The following FRMD7 variants were observed in gnomAD, a reference collection of about 807,000 sequenced individuals.
FRMD7 encodes FERM domain-containing protein 7.
Under a neutral mutation model 44.1 loss-of-function variants are expected in FRMD7, and 14 were observed. The observed-to-expected ratio is 0.32, with a 90% CI of 0.21 to 0.50. The LOEUF is 0.50. FRMD7 is among the 20% of genes least tolerant of loss of function. The pLI is 0.99. For synonymous variants in FRMD7, 212 were observed against 187.4 expected (o/e 1.13, Z -1.07); for missense variants, 501 against 522.3 (o/e 0.96, Z 0.40).
At chrX:132,100,523 A>C (rs1416818110) in intron 2 of FRMD7, 89 bp downstream of exon 2, 2 of 624,232 alleles carry the variant, frequency 3.2e-6, no homozygotes, top group Non-Finnish European at 5.4e-6. Context: ...TCATTTTTCA[A>C]TCAGGGAATT....
chrX:132,111,635 A>C (rs937902528), intron 1 of FRMD7, among the ~76,000 whole-genome samples: 1 of 111,921 alleles, frequency 8.9e-6, no homozygotes, highest in Non-Finnish European at 1.9e-5. Flanking sequence ...AATTTCCATC[A>C]GTCTTTTACT....
At chrX:132,119,658 T>C (rs1928986234) in intron 1 of FRMD7, among the ~76,000 whole-genome samples, 1 of 111,265 alleles carries the variant, frequency 9.0e-6, no homozygotes, top group African/African-American at 3.3e-5. Flanking sequence ...AATTAGATGA[T>C]GTGGGGGTAA....
At chrX:132,107,825 A>G (rs944029635) in intron 1 of FRMD7, among the ~76,000 whole-genome samples, 1 of 111,873 alleles carries the variant, frequency 8.9e-6, no homozygotes, top group Non-Finnish European at 1.9e-5. Flanking sequence ...TTGATGGTCC[A>G]CTTTTGTTAC....
Position 132,080,233 on chromosome X carries a change from C to T in FRMD7, c.939G>A (p.Gly313=), listed in dbSNP as rs1307353318. 14 of 1,205,931 alleles carry T rather than the reference C, an allele frequency of 1.2e-5. No individual in the cohort carries two copies. Among genetic ancestry groups the T allele is most frequent in the Non-Finnish European group, 1.6e-5 (14 of 890,063 alleles). The change falls in exon 10 of 12, where the codon GGG becomes GGA. Residue 313 remains glycine, a synonymous_variant. Coordinates refer to ENST00000298542, the MANE Select transcript of FRMD7 (RefSeq NM_194277.3). ...GCAAGCTCTTCAGCCTCCCTTTTCT[C>T]CCATATTCCAAAAGTTGCCTTTGGG... is the stretch of plus-strand genomic sequence containing the variant. ...GRTQRQLLEY[G]RKGRLKSLPF... is the part of the protein sequence containing the mutation.
chrX:132,102,739 G>GT (rs1380973407), intron 1 of FRMD7, among the ~76,000 whole-genome samples: 16 of 109,547 alleles, frequency 1.5e-4, no homozygotes, highest in Admixed American at 6.7e-4. Flanking sequence ...ATACACTCCA[G>GT]TTTTTTTTTG....
rs1387041189 is a variant in FRMD7, at chrX:132,127,792, A to G, written c.53T>C (p.Val18Ala). 1 of 1,198,938 alleles carries G rather than the reference A, an allele frequency of 8.3e-7. No homozygotes were observed. Among genetic ancestry groups the G allele is most frequent in the African/African-American group, 1.8e-5 (1 of 57,034 alleles). The change falls in exon 1 of 12, where the codon GTT becomes GCT. Residue 18 changes from valine (V) to alanine (A), a missense_variant. Physicochemically the swap from Val to Ala is moderately conservative, Grantham distance 64 (BLOSUM62 0). Around this residue, in one of 3 missense-constraint regions of FRMD7, gnomAD observed 24 missense variants for 21.6 expected, o/e 1.11. Coordinates refer to ENST00000298542, the MANE Select transcript of FRMD7 (RefSeq NM_194277.3). ...AGCAATGTGATTTCCACTTACATCAACCACAAAAATCTTCTGGGAATCATC... is the reference window on the plus strand; with the variant it reads ...AGCAATGTGATTTCCACTTACATCAGCCACAAAAATCTTCTGGGAATCATC... ...FLDDSQKIFV[V>A]DQKSSGKALF...
At chrX:132,082,560 C>T (rs913812689) in intron 8 of FRMD7, 34 bp from the exon 9 acceptor site, 15 of 1,133,445 alleles carry the variant, frequency 1.3e-5, no homozygotes, top group Non-Finnish European at 1.7e-5. Flanking sequence ...GTAAAACATC[C>T]TTCAAGAATA....
intron 1 of FRMD7, among the ~76,000 whole-genome samples, chrX:132,110,619 A>G (rs1034855060): frequency 9.0e-6 from 1 of 111,576 alleles, no homozygotes; most frequent in East Asian, 2.8e-4. Context: ...CACAGACCAC[A>G]TGCACAACAA....
chrX:132,119,621 G>A (rs907378859), intron 1 of FRMD7, among the ~76,000 whole-genome samples: 1 of 111,609 alleles, frequency 9.0e-6, no homozygotes, highest in South Asian at 3.8e-4. Flanking sequence ...TAAAGAGGCT[G>A]AGAAGGAATA....
chrX:132,120,647 C>A (rs1327539103), intron 1 of FRMD7, among the ~76,000 whole-genome samples: 2 of 112,268 alleles, frequency 1.8e-5, no homozygotes, highest in African/African-American at 3.2e-5. Flanking sequence ...AGGCTGGAGG[C>A]CCTGCCTTTG....
Position 132,078,852 on chromosome X carries a change from A to T in FRMD7, c.1165T>A (p.Phe389Ile). 8.3e-7 allele frequency: 1 copy of T among 1,207,088 alleles called. No individual in the cohort carries two copies. The highest frequency in any genetic ancestry group is 2.2e-5 in the Admixed American group (1 of 45,969). Residue 389 changes from phenylalanine to isoleucine, a missense_variant, in exon 12 of 12, where the codon TTT (phenylalanine) becomes ATT (isoleucine). Coordinates refer to ENST00000298542, the MANE Select transcript of FRMD7 (RefSeq NM_194277.3). ...RRRNSALEVT[F>I]ATELEHSKPE... is the part of the protein sequence containing the mutation. ...TTGGAATGCTCCAGCTCAGTTGCAA[A>T]TGTCACCTCCAATGCAGAATTCCTC...
chrX:132,109,035 A>G (rs1275122606), intron 1 of FRMD7, among the ~76,000 whole-genome samples: 1 of 112,072 alleles, frequency 8.9e-6, no homozygotes, highest in Admixed American at 9.5e-5. Context: ...TAGCATTTGC[A>G]CCATCTGAGG....
At chrX:132,104,430 T>C (rs376359992) in intron 1 of FRMD7, among the ~76,000 whole-genome samples, 1 of 111,816 alleles carries the variant, frequency 8.9e-6, no homozygotes, top group East Asian at 2.8e-4. Context: ...CTGTGGCTTA[T>C]GCCTGTAATC....
At chrX:132,110,988 C>A (rs1427204339) in intron 1 of FRMD7, among the ~76,000 whole-genome samples, 1 of 111,301 alleles carries the variant, frequency 9.0e-6, no homozygotes, top group Non-Finnish European at 1.9e-5. Context: ...AGTTCAAGAG[C>A]AGCCTGGGCA....
intron 5 of FRMD7, among the ~76,000 whole-genome samples, chrX:132,091,970 C>T (rs1040416021): frequency 8.9e-6 from 1 of 112,468 alleles, no homozygotes; most frequent in East Asian, 2.8e-4. Flanking sequence ...CTCCATTGCT[C>T]TTATCACCTG....
intron 1 of FRMD7, among the ~76,000 whole-genome samples, chrX:132,102,449 G>A (rs1016470448): frequency 1.7e-5 from 1 of 58,438 alleles, no homozygotes; most frequent in Non-Finnish European, 3.6e-5. Flanking sequence ...AGTTCCCCTG[G>A]GGGGGGTGGC....
rs773826473 is a variant in FRMD7 at position 132,123,774 on chromosome X, C to A, written c.57+4014G>T. Among the ~76,000 whole-genome samples, 3 of 112,441 alleles carry A rather than the reference C, an allele frequency of 2.7e-5. No individual in the cohort carries two copies. In the South Asian group the frequency reaches 1.1e-3, roughly 41 times the overall value. ...ATATTCTGTTACTGGGTACCCACTG[C>A]ATGGCCAGTACAATCACTTAGCAAT... On this transcript the variant is annotated intron_variant, in intron 1 of 11. Transcript: ENST00000298542.
rs1057515769 is a variant in FRMD7, at chrX:132,077,579, C to G, written c.*293G>C. On this transcript the variant is annotated 3_prime_UTR_variant, in exon 12 of 12. Coordinates refer to ENST00000298542, the MANE Select transcript of FRMD7 (RefSeq NM_194277.3). ...TCAGCATTGAAGAGCCTGACCTTCA[C>G]TCACAATGTCTCTATGAGGAAGTAT... 3.1e-6 allele frequency: 1 copy of G among 318,793 alleles called. No individual in the cohort carries two copies. Among genetic ancestry groups the G allele is most frequent in the East Asian group, 5.9e-5 (1 of 17,061 alleles). 26.3% of individuals were successfully genotyped at this position (318,793 alleles called of 1,213,427 possible).
Position 132,088,925 on chromosome X carries a change from AT to A in FRMD7, c.383-2892del, listed in dbSNP as rs963833263. On this transcript the variant is annotated intron_variant, in intron 5 of 11. Coordinates refer to ENST00000298542, the MANE Select transcript of FRMD7 (RefSeq NM_194277.3). ...GTTATGGTGGCAATTTTTTCAAAAA[AT>A]AATCTATAAATTCAATGCAATCCCC... 5.2e-4 allele frequency among the ~76,000 whole-genome samples: 58 copies of A among 112,391 alleles called. 1 individual carries two copies. Among genetic ancestry groups the A allele is most frequent in the African/African-American group, 1.8e-3 (56 of 31,027 alleles).
Sources: gnomAD v4.1 joint callset for allele counts (sites outside exome capture counted in the v4.1 genomes callset) on GRCh38, gnomAD v4.1.1 for gene constraint, gnomAD v4.1.1 regional missense constraint, MANE v1.5 for transcripts, NCBI Gene and HGNC (gene_info 2026-07-23, HGNC 2026-07-21) for gene names.